ADAMTS19: variants seen among roughly 807,000 people sequenced by gnomAD.
ADAMTS19 encodes the protein A disintegrin and metalloproteinase with thrombospondin motifs 19.
A neutral mutation model predicts 153.3 loss-of-function variants in ADAMTS19; 93 were observed. That is an observed-to-expected ratio of 0.61 (90% confidence interval 0.51 to 0.72). The LOEUF (loss-of-function observed/expected upper bound fraction) is 0.72, where lower values mean the gene tolerates loss of function less well. Among genes scored for constraint, ADAMTS19 ranks in the 30% least tolerant of loss-of-function variants. ADAMTS19 has a pLI of 0.00. For synonymous variants in ADAMTS19, 600 were observed against 556.6 expected (o/e 1.08, Z -1.10); for missense variants, 1,482 against 1,552.1 (o/e 0.95, Z 0.76).
intron 6 of ADAMTS19, among the ~76,000 whole-genome samples, chr5:129,538,732 T>C (rs1380359594): frequency 6.6e-6 from 1 of 152,148 alleles, no homozygotes; most frequent in African/African-American, 2.4e-5. Flanking sequence ...TTATAATCCA[T>C]ATTTTCCCTT....
At chr5:129,661,180 G>C (rs30669) in intron 15 of ADAMTS19, among the ~76,000 whole-genome samples, 72,572 of 151,952 alleles carry the variant, frequency 0.48, 19,969 homozygotes, top group African/African-American at 0.76. Context: ...GCTCTAGTCA[G>C]ATTTATAATT....
chr5:129,701,681 G>A (rs1191165044), intron 20 of ADAMTS19, 89 bp downstream of exon 20: 1 of 1,383,540 alleles, frequency 7.2e-7, no homozygotes, highest in African/African-American at 1.5e-5. Flanking sequence ...AATCTGCATT[G>A]AAGTTGATAT....
intron 6 of ADAMTS19, among the ~76,000 whole-genome samples, chr5:129,547,026 C>T (rs1752885344): frequency 6.6e-6 from 1 of 150,910 alleles, no homozygotes; most frequent in East Asian, 1.9e-4. Context: ...AAGTAACATC[C>T]CCTGCAAAGA....
At chr5:129,601,833 G>A (rs1187847682) in intron 8 of ADAMTS19, among the ~76,000 whole-genome samples, 2 of 152,100 alleles carry the variant, frequency 1.3e-5, no homozygotes, top group Non-Finnish European at 2.9e-5. Context: ...CTCCCCACAA[G>A]GCAAACCTTC....
intron 21 of ADAMTS19, among the ~76,000 whole-genome samples, chr5:129,722,648 A>G (rs1332062453): frequency 6.6e-6 from 1 of 151,936 alleles, no homozygotes; most frequent in African/African-American, 2.4e-5. Flanking sequence ...GCTTTTGGTG[A>G]TTTCATCATA....
chr5:129,594,828 A>T (rs1312721693), intron 7 of ADAMTS19, among the ~76,000 whole-genome samples: 1 of 151,754 alleles, frequency 6.6e-6, no homozygotes, highest in Non-Finnish European at 1.5e-5. Flanking sequence ...GTGTATCCTT[A>T]CCTTCATCTT....
chr5:129,719,863 A>T (rs1684981826), intron 21 of ADAMTS19, among the ~76,000 whole-genome samples: 1 of 151,974 alleles, frequency 6.6e-6, no homozygotes, highest in African/African-American at 2.4e-5. Context: ...AAATATGGTA[A>T]AACCCCATCT....
chr5:129,642,821 A>G (rs1019199737), intron 11 of ADAMTS19, among the ~76,000 whole-genome samples: 4 of 147,480 alleles, frequency 2.7e-5, no homozygotes, highest in Non-Finnish European at 5.9e-5. Flanking sequence ...AAACATATCG[A>G]TTTGAAAAAT....
chr5:129,702,929 CAAAAAA>C (rs376208133), intron 20 of ADAMTS19, among the ~76,000 whole-genome samples: 10 of 44,330 alleles, frequency 2.3e-4, no homozygotes, highest in African/African-American at 8.4e-4. Flanking sequence ...TTTGACTTGC[CAAAAAA>C]AAAAAAATAT....
At chr5:129,678,169 G>C (rs1257434078) in intron 16 of ADAMTS19, among the ~76,000 whole-genome samples, 2 of 152,050 alleles carry the variant, frequency 1.3e-5, no homozygotes, top group East Asian at 3.9e-4. Flanking sequence ...GGTCTGGCTA[G>C]TCCTCATTTC....
At chr5:129,503,837 A>G (rs1751184457) in intron 2 of ADAMTS19, among the ~76,000 whole-genome samples, 1 of 152,128 alleles carries the variant, frequency 6.6e-6, no homozygotes, top group Admixed American at 6.6e-5. Context: ...CAAAAAAAAA[A>G]GAACCTTACA....
intron 8 of ADAMTS19, among the ~76,000 whole-genome samples, chr5:129,611,418 T>C (rs139345608): frequency 7.2e-5 from 11 of 152,326 alleles, no homozygotes; most frequent in African/African-American, 2.6e-4. Context: ...TTTTATGGTT[T>C]TAGGTTTAAC....
intron 21 of ADAMTS19, among the ~76,000 whole-genome samples, chr5:129,714,282 G>T (rs1158376144): frequency 6.6e-6 from 1 of 150,884 alleles, no homozygotes; most frequent in Middle Eastern, 3.4e-3. Flanking sequence ...AGCCGGGCGC[G>T]GTGGCGGGCG....
At chr5:129,719,563 C>G (rs952698720) in intron 21 of ADAMTS19, among the ~76,000 whole-genome samples, 3 of 151,670 alleles carry the variant, frequency 2.0e-5, no homozygotes, top group Non-Finnish European at 4.4e-5. Context: ...TTCTTTAGCC[C>G]CATGTTCAAA....
intron 21 of ADAMTS19, among the ~76,000 whole-genome samples, chr5:129,730,835 T>C (rs1757409632): frequency 6.6e-6 from 1 of 152,134 alleles, no homozygotes; most frequent in Non-Finnish European, 1.5e-5. Context: ...GAATATATGG[T>C]TTAATTTATA....
chr5:129,565,011 C>G (rs1307177122), intron 7 of ADAMTS19, among the ~76,000 whole-genome samples: 1 of 152,062 alleles, frequency 6.6e-6, no homozygotes, highest in Non-Finnish European at 1.5e-5. Context: ...AGTTGGGATG[C>G]CCTAGGCAAA....
At chr5:129,588,513 T>C (rs560226679) in intron 7 of ADAMTS19, among the ~76,000 whole-genome samples, 1 of 152,106 alleles carries the variant, frequency 6.6e-6, no homozygotes, top group Non-Finnish European at 1.5e-5. Flanking sequence ...TCTTTTCATC[T>C]ATTGAATCTA....
intron 13 of ADAMTS19, among the ~76,000 whole-genome samples, chr5:129,649,531 A>T (rs1307357296): frequency 6.6e-6 from 1 of 152,212 alleles, no homozygotes; most frequent in African/African-American, 2.4e-5. Context: ...AAACAAATTC[A>T]TACAAATTAG....
At position 129,460,306 on chromosome 5, in the gene ADAMTS19, A is replaced by G; in HGVS notation, c.-86A>G. ...GGGCAAATTCGCCGCCCGGCCTCCT[A>G]GCGCTCCGGGGAGGCCGCTGCGCCC... is the stretch of plus-strand genomic sequence containing the variant. On this transcript the variant is annotated 5_prime_UTR_variant, in exon 1 of 23. Transcript: ENST00000274487. 1.1e-6 allele frequency: 1 copy of G among 926,030 alleles called. No individual in the cohort carries two copies. The highest frequency in any genetic ancestry group is 1.5e-6 in the Non-Finnish European group (1 of 664,746). 57.4% of individuals were successfully genotyped at this position (926,030 alleles called of 1,614,324 possible).
Sources: gnomAD v4.1 joint callset for allele counts (sites outside exome capture counted in the v4.1 genomes callset) on GRCh38, gnomAD v4.1.1 for gene constraint, MANE v1.5 for transcripts, NCBI Gene and HGNC (gene_info 2026-07-23, HGNC 2026-07-21) for gene names.